MSRB3: variants seen among roughly 807,000 people sequenced by gnomAD.
MSRB3 encodes the protein methionine sulfoxide reductase B3.
MSRB3 carries 13 observed loss-of-function variants against 21.0 expected under a neutral mutation model. That is an observed-to-expected ratio of 0.62 (90% CI 0.40 to 0.98). MSRB3 has a LOEUF of 0.98. MSRB3 is among the 50% of genes least tolerant of loss of function. MSRB3 has a pLI of 0.00. For synonymous variants in MSRB3, 87 were observed against 88.6 expected (o/e 0.98, Z 0.10); for missense variants, 199 against 230.3 (o/e 0.86, Z 0.88).
chr12:65,376,685 TG>T (rs1469985293), intron 5 of MSRB3, among the ~76,000 whole-genome samples: 1 of 144,826 alleles, frequency 6.9e-6, no homozygotes, highest in Non-Finnish European at 1.5e-5. Flanking sequence ...CGTCAGGGGG[TG>T]GGGGGATAGG....
chr12:65,401,748 C>A (rs183547612), intron 5 of MSRB3, among the ~76,000 whole-genome samples: 2 of 151,894 alleles, frequency 1.3e-5, no homozygotes, highest in Non-Finnish European at 2.9e-5. Flanking sequence ...TGGCTGGTAC[C>A]GGTTGTTCCT....
intron 4 of MSRB3, among the ~76,000 whole-genome samples, chr12:65,365,199 A>G (rs373973210): frequency 1.3e-5 from 2 of 151,960 alleles, no homozygotes; most frequent in Admixed American, 6.6e-5. Flanking sequence ...CACCTTTTTA[A>G]TAATTCTTAA....
intron 4 of MSRB3, among the ~76,000 whole-genome samples, chr12:65,336,964 C>T (rs1875801550): frequency 6.6e-6 from 1 of 152,228 alleles, no homozygotes; most frequent in Non-Finnish European, 1.5e-5. Flanking sequence ...TTAGCAGAGG[C>T]TGGGCGCGGT....
At chr12:65,422,649 G>C (rs531635666) in intron 5 of MSRB3, among the ~76,000 whole-genome samples, 1 of 151,136 alleles carries the variant, frequency 6.6e-6, no homozygotes. Context: ...GCTGTGGGTA[G>C]TATGAATATT....
chr12:65,292,261 A>G (rs982370932), intron 1 of MSRB3, among the ~76,000 whole-genome samples: 1 of 152,188 alleles, frequency 6.6e-6, no homozygotes, highest in African/African-American at 2.4e-5. Context: ...ATTGTTAGAC[A>G]CATGATTTTA....
At chr12:65,423,716 A>G (rs1881438796) in intron 5 of MSRB3, among the ~76,000 whole-genome samples, 1 of 152,100 alleles carries the variant, frequency 6.6e-6, no homozygotes, top group African/African-American at 2.4e-5. Context: ...CATTCTTTTA[A>G]TGTGTTGTTG....
At chr12:65,358,321 A>C (rs907304152) in intron 4 of MSRB3, among the ~76,000 whole-genome samples, 4 of 151,650 alleles carry the variant, frequency 2.6e-5, no homozygotes, top group Non-Finnish European at 5.9e-5. Context: ...GGGTCTCGCT[A>C]TGTTGCCCAG....
Position 65,278,691 on chromosome 12 carries a change from C to T in MSRB3, c.-226C>T. On this transcript the variant is annotated 5_prime_UTR_variant, in exon 1 of 7. Coordinates refer to ENST00000308259, the MANE Select transcript of MSRB3 (RefSeq NM_001031679.3). The stretch of plus-strand genomic sequence containing the variant: ...CCCAGGAATTTCCCGTCATGCCTCC[C>T]GCCGCCCCGTCCGTCGCCCGGAGCC... 1 of 1,302,056 alleles carries T rather than the reference C, an allele frequency of 7.7e-7. No homozygotes were observed. The highest frequency in any genetic ancestry group is 1.1e-6 in the Non-Finnish European group (1 of 931,942). The allele number at this position is 1,302,056 out of a possible 1,614,324, so 80.7% of individuals were successfully genotyped here.
chr12:65,337,268 C>CAA lies in MSRB3; in HGVS notation c.263+8673_263+8674dup, dbSNP rs546160699. ...AAAAAAAACAAAAAACAAAACAAAA[C>CAA]AAAAAAAAACCAAAAATCAGCTGGG... On this transcript the variant is annotated intron_variant, in intron 4 of 6. Coordinates refer to ENST00000308259, the MANE Select transcript of MSRB3 (RefSeq NM_001031679.3). Among the ~76,000 whole-genome samples, 838 of 148,410 alleles carry CAA rather than the reference C, an allele frequency of 5.6e-3. 13 individuals carry two copies. The highest frequency in any genetic ancestry group is 0.019 in the African/African-American group (775 of 40,050).
At chr12:65,286,925 G>T (rs1872384639) in intron 1 of MSRB3, among the ~76,000 whole-genome samples, 1 of 149,298 alleles carries the variant, frequency 6.7e-6, no homozygotes, top group South Asian at 2.1e-4. Flanking sequence ...GGAGGCTGAG[G>T]TGGGAGAATC....
At chr12:65,338,801 G>A (rs1017069635) in intron 4 of MSRB3, among the ~76,000 whole-genome samples, 1 of 152,174 alleles carries the variant, frequency 6.6e-6, no homozygotes, top group Non-Finnish European at 1.5e-5. Context: ...CAGGCTGGGC[G>A]CGGTGGCTCA....
At chr12:65,319,643 A>G (rs1202434010) in intron 2 of MSRB3, among the ~76,000 whole-genome samples, 2 of 152,152 alleles carry the variant, frequency 1.3e-5, no homozygotes, top group Non-Finnish European at 2.9e-5. Context: ...TTAACTTTCC[A>G]GTGCTCATCA....
At position 65,397,545 on chromosome 12, in the gene MSRB3, C is replaced by T. The variant is rs148027495; in HGVS notation, c.292+28519C>T. On this transcript the variant is annotated intron_variant, in intron 5 of 6. Transcript: ENST00000308259. Reference sequence around the variant, plus strand: ...TTTAATTGAGCATTTTGTATGATTCCATTTTCTCTATACACTTACCATAAT... The same window carrying T: ...TTTAATTGAGCATTTTGTATGATTCTATTTTCTCTATACACTTACCATAAT... Among the ~76,000 whole-genome samples the T allele has an allele frequency of 8.3e-3, 1,269 of 152,034 alleles. 19 individuals carry two copies. Among genetic ancestry groups the T allele is most frequent in the African/African-American group, 0.029 (1,200 of 41,466 alleles).
At chr12:65,419,392 A>G in intron 5 of MSRB3, 1 of 750,858 alleles carries the variant, frequency 1.3e-6, no homozygotes, top group Non-Finnish European at 2.5e-6. Context: ...CATTAAGAGC[A>G]GCTCCTCCTT....
intron 5 of MSRB3, among the ~76,000 whole-genome samples, chr12:65,390,297 T>G (rs1351899627): frequency 6.6e-6 from 1 of 152,190 alleles, no homozygotes; most frequent in Non-Finnish European, 1.5e-5. Context: ...CTTTGTCCTC[T>G]TCTAACTCTT....
intron 2 of MSRB3, among the ~76,000 whole-genome samples, chr12:65,314,777 G>C (rs1487393318): frequency 6.6e-6 from 1 of 152,082 alleles, no homozygotes; most frequent in Non-Finnish European, 1.5e-5. Flanking sequence ...TCTTAGTTTT[G>C]TTTGAGAAAT....
chr12:65,331,549 T>G (rs563321676), intron 4 of MSRB3, among the ~76,000 whole-genome samples: 1 of 152,216 alleles, frequency 6.6e-6, no homozygotes, highest in South Asian at 2.1e-4. Context: ...TGCTGGAAAT[T>G]TACCCTCTGG....
intron 6 of MSRB3, among the ~76,000 whole-genome samples, chr12:65,461,867 C>T (rs1883346064): frequency 1.3e-5 from 2 of 152,328 alleles, no homozygotes; most frequent in South Asian, 2.1e-4. Flanking sequence ...CCTAGAGATA[C>T]ACTTCTTCCA....
At chr12:65,393,760 T>C (rs1486415542) in intron 5 of MSRB3, among the ~76,000 whole-genome samples, 1 of 151,988 alleles carries the variant, frequency 6.6e-6, no homozygotes, top group African/African-American at 2.4e-5. Flanking sequence ...CACACACATA[T>C]ACATATAATA....
Sources: allele counts gnomAD v4.1 joint callset (sites outside exome capture counted in the v4.1 genomes callset), GRCh38; gene constraint gnomAD v4.1.1; transcripts MANE v1.5; gene names NCBI Gene and HGNC (gene_info 2026-07-23, HGNC 2026-07-21).